SULF1: variants seen among roughly 807,000 people sequenced by gnomAD.
SULF1 encodes the protein extracellular sulfatase Sulf-1.
Under a neutral mutation model 110.5 loss-of-function variants are expected in SULF1, and 46 were observed. The ratio of observed to expected loss-of-function variants is 0.42; its 90% confidence interval spans 0.33 to 0.53. SULF1 has a LOEUF of 0.53. SULF1 is among the 20% of genes least tolerant of loss of function. The pLI, the probability that SULF1 is intolerant of heterozygous loss-of-function variation, is 0.12. For synonymous variants in SULF1, 371 were observed against 387.1 expected, an observed-to-expected ratio of 0.96 and a Z score of 0.49; for missense variants, 941 against 1,094.2, an observed-to-expected ratio of 0.86 and a Z score of 1.98.
intron 22 of SULF1, among the ~76,000 whole-genome samples, chr8:69,645,583 G>C (rs1357091780): frequency 6.6e-6 from 1 of 152,198 alleles, no homozygotes; most frequent in African/African-American, 2.4e-5. Context: ...CCAGGAGAGG[G>C]CCCCAACCCA....
intron 7 of SULF1, among the ~76,000 whole-genome samples, chr8:69,588,223 CCT>C (rs1806611271): frequency 6.6e-6 from 1 of 152,182 alleles, no homozygotes; most frequent in South Asian, 2.1e-4. Flanking sequence ...ATCAGCCCCC[CCT>C]GACTGTGGGT....
intron 8 of SULF1, chr8:69,597,474 G>C (rs1341628799): frequency 6.6e-6 from 1 of 152,176 alleles, no homozygotes; most frequent in African/African-American, 2.4e-5. Flanking sequence ...AAAAATAAGG[G>C]GGGGCAGGAA....
intron 11 of SULF1, 128 bp from the exon 12 acceptor site, chr8:69,603,472 G>C: frequency 7.3e-7 from 1 of 1,363,134 alleles, no homozygotes; most frequent in Non-Finnish European, 1.0e-6. Flanking sequence ...CTTGTGAATA[G>C]CATATTGATG....
At chr8:69,627,059 T>G in intron 15 of SULF1, 151 bp from the exon 16 acceptor site, 1 of 618,212 alleles carries the variant, frequency 1.6e-6, no homozygotes, top group South Asian at 1.9e-5. Flanking sequence ...CCTCTCAATA[T>G]TCCCATTGAT....
chr8:69,467,989 TA>T (rs201118993), intron 1 of SULF1, among the ~76,000 whole-genome samples: 3,856 of 79,678 alleles, frequency 0.048, 142 homozygotes, highest in African/African-American at 0.16. Context: ...TTTATAGTAT[TA>T]AAAAAAAGGC....
chr8:69,647,921 A>G (rs1445668813), intron 22 of SULF1, among the ~76,000 whole-genome samples: 2 of 151,594 alleles, frequency 1.3e-5, no homozygotes, highest in Admixed American at 6.6e-5. Flanking sequence ...TGGTATTTTT[A>G]CTATGGCCAA....
At chr8:69,539,868 T>C (rs2150666347) in intron 3 of SULF1, among the ~76,000 whole-genome samples, 1 of 152,194 alleles carries the variant, frequency 6.6e-6, no homozygotes, top group African/African-American at 2.4e-5. Context: ...CCCACAGGTG[T>C]TTTTAATAAC....
intron 2 of SULF1, among the ~76,000 whole-genome samples, chr8:69,499,134 C>T (rs1049665290): frequency 2.0e-5 from 3 of 152,182 alleles, no homozygotes; most frequent in Non-Finnish European, 4.4e-5. Flanking sequence ...GCTGGGATTA[C>T]AGGCATGAGC....
intron 6 of SULF1, among the ~76,000 whole-genome samples, chr8:69,581,541 CAA>C (rs1374222716): frequency 6.6e-6 from 1 of 152,100 alleles, no homozygotes. Context: ...GTATCCAAAA[CAA>C]AGAGGATGGG....
intron 22 of SULF1, among the ~76,000 whole-genome samples, chr8:69,649,762 T>C (rs1812187584): frequency 6.6e-6 from 1 of 152,144 alleles, no homozygotes; most frequent in Non-Finnish European, 1.5e-5. Context: ...TATCAGGAGC[T>C]GCATAACATC....
chr8:69,606,430 A>G (rs143435123), intron 13 of SULF1, among the ~76,000 whole-genome samples: 176 of 152,288 alleles, frequency 1.2e-3, no homozygotes, highest in African/African-American at 3.8e-3. Flanking sequence ...CTCTAAGATG[A>G]TTTTTATGAG....
upstream of SULF1, among the ~76,000 whole-genome samples, chr8:69,491,723 A>G (rs896738366): frequency 5.8e-4 from 88 of 152,374 alleles, no homozygotes; most frequent in African/African-American, 1.9e-3. Context: ...CAATGCAGGT[A>G]AGATCTGGTC....
chr8:69,631,044 G>A (rs892114210), intron 19 of SULF1, among the ~76,000 whole-genome samples: 12 of 151,804 alleles, frequency 7.9e-5, no homozygotes, highest in African/African-American at 1.9e-4. Context: ...GGACTCTTTC[G>A]GAGAGCGTGG....
intron 14 of SULF1, 95 bp from the exon 15 acceptor site, chr8:69,623,847 T>C: frequency 7.0e-7 from 1 of 1,427,586 alleles, no homozygotes; most frequent in Non-Finnish European, 9.5e-7. Flanking sequence ...GACTGCTTTC[T>C]CCACTCCAGG....
At chr8:69,539,937 T>C (rs1813750899) in intron 3 of SULF1, among the ~76,000 whole-genome samples, 1 of 152,070 alleles carries the variant, frequency 6.6e-6, no homozygotes, top group Non-Finnish European at 1.5e-5. Flanking sequence ...AGAAGATTGG[T>C]CTGGTACCTG....
intron 22 of SULF1, chr8:69,642,446 T>C (rs1811553495): frequency 6.2e-6 from 6 of 974,238 alleles, no homozygotes; most frequent in Non-Finnish European, 7.3e-6. Context: ...TCATCTTAAC[T>C]GTCCTCAATC....
intron 3 of SULF1, among the ~76,000 whole-genome samples, chr8:69,552,003 A>T (rs1359727960): frequency 1.3e-5 from 2 of 152,184 alleles, no homozygotes; most frequent in Non-Finnish European, 2.9e-5. Context: ...GAGGCAGGAG[A>T]ATCACTTGAA....
chr8:69,520,916 T>C (rs1250898791), intron 3 of SULF1, among the ~76,000 whole-genome samples: 1 of 152,176 alleles, frequency 6.6e-6, no homozygotes, highest in African/African-American at 2.4e-5. Context: ...CCTAATTCTG[T>C]CTTTCAAAAA....
chr8:69,618,721 T>C (rs1809370996), intron 13 of SULF1, among the ~76,000 whole-genome samples: 11 of 152,160 alleles, frequency 7.2e-5, no homozygotes, highest in Admixed American at 7.2e-4. Flanking sequence ...ACCAAGAGTA[T>C]AGGGGGCTAA....
Sources: gnomAD v4.1 joint callset for allele counts (sites outside exome capture counted in the v4.1 genomes callset) on GRCh38, gnomAD v4.1.1 for gene constraint, MANE v1.5 for transcripts, NCBI Gene and HGNC (gene_info 2026-07-23, HGNC 2026-07-21) for gene names.